Variants in GALR3 observed in about 807,000 individuals in gnomAD.
The protein encoded by GALR3 is galanin receptor type 3.
A neutral mutation model predicts 6.9 loss-of-function variants in GALR3; 5 were observed. The observed-to-expected ratio is 0.72, with a 90% CI of 0.38 to 1.52. GALR3 has a LOEUF of 1.52. GALR3 is among the 40% of genes most tolerant of loss of function. The pLI is 0.03. For missense variants in GALR3, 570 were observed against 545.6 expected (o/e 1.04, Z -0.44); for synonymous variants, 308 against 263.6 (o/e 1.17, Z -1.63).
chr22:37,825,229 T>C lies in GALR3; in HGVS notation c.866T>C (p.Leu289Pro). 1 of 1,465,404 alleles carries C rather than the reference T, an allele frequency of 6.8e-7. No individual in the cohort carries two copies. The highest frequency in any genetic ancestry group is 9.1e-7 in the Non-Finnish European group (1 of 1,102,426). 90.8% of individuals were successfully genotyped at this position (1,465,404 alleles called of 1,614,324 possible). A position where few individuals can be genotyped will look rare whatever the true frequency, so the allele number is the denominator to read the frequency against. Residue 289 changes from leucine (L) to proline (P), a missense_variant, in exon 2 of 2, where the codon CTC becomes CCC. Leu to Pro is a moderately conservative substitution (Grantham distance 98). Transcript: ENST00000249041. ...TACGCCAACTCCTGCCTCAACCCGCTCGTCTACGCGCTCGCCTCGCGCCAC... is the reference window on the plus strand; with the variant it reads ...TACGCCAACTCCTGCCTCAACCCGCCCGTCTACGCGCTCGCCTCGCGCCAC... ...LAYANSCLNP[L>P]VYALASRHFR...
In GALR3 at chr22:37,824,419, T is replaced by A. The variant is rs1454993122; in HGVS notation, c.360-304T>A. On this transcript the variant is annotated intron_variant, in intron 1 of 1. Transcript: ENST00000249041. ...CTGGCCAAGCTGTGCACACATCTGC[T>A]TCCACAGCTTGAAACTTGGGGTCAA... Among the ~76,000 whole-genome samples the A allele has an allele frequency of 2.0e-5, 3 of 152,180 alleles. No homozygotes were observed. In the South Asian group the frequency reaches 6.2e-4, roughly 31 times the overall value.
In GALR3 at chr22:37,824,746, T is replaced by G. The variant is rs1922545198; in HGVS notation, c.383T>G (p.Leu128Arg). 5 of 1,239,300 alleles carry G rather than the reference T, an allele frequency of 4.0e-6. No homozygotes were observed. Among genetic ancestry groups the G allele is most frequent in the Non-Finnish European group, 5.0e-6 (5 of 991,610 alleles). 76.8% of individuals were successfully genotyped at this position (1,239,300 alleles called of 1,614,324 possible). ...AGGTACCTGGCCGTGCGGCACCCGC[T>G]GCGCTCGCGCGCCCTGCGCACGCCG... ...VDRYLAVRHP[L>R]RSRALRTPRN... Residue 128 changes from leucine (L) to arginine (R), a missense_variant, in exon 2 of 2, where the codon CTG becomes CGG. Transcript: ENST00000249041.
Position 37,825,404 on chromosome 22 carries a change from C to A in GALR3, c.1041C>A (p.Gly347=), listed in dbSNP as rs1278076898. 1 of 1,395,258 alleles carries A rather than the reference C, an allele frequency of 7.2e-7. No individual in the cohort carries two copies. Among genetic ancestry groups the A allele is most frequent in the South Asian group, 1.5e-5 (1 of 65,850 alleles). The allele number at this position is 1,395,258 out of a possible 1,614,324, so 86.4% of individuals were successfully genotyped here. The change falls in exon 2 of 2, where the codon GGC becomes GGA. Residue 347 remains glycine, a synonymous_variant. Coordinates refer to ENST00000249041, the MANE Select transcript of GALR3 (RefSeq NM_003614.2). ...CTAGCGGGAGGCTGCTGGCTGGTGG[C>A]GGCCAGGGCCCGGAGCCCAGGGAGG... The part of the protein sequence containing the change: ...ARPSGRLLAG[G]GQGPEPREGP...
rs1922572415 is a variant in GALR3 at position 37,825,194 on chromosome 22, C to T, written c.831C>T (p.His277=). 6.7e-7 allele frequency: 1 copy of T among 1,488,180 alleles called. No individual in the cohort carries two copies. Among genetic ancestry groups the T allele is most frequent in the Non-Finnish European group, 9.0e-7 (1 of 1,114,986 alleles). The allele number at this position is 1,488,180 out of a possible 1,614,324, so 92.2% of individuals were successfully genotyped here. The part of the protein sequence containing the change: ...PATYACRLAS[H]CLAYANSCLN... Reference sequence around the variant, plus strand: ...CCTACGCCTGCCGCCTGGCCTCACACTGCCTGGCCTACGCCAACTCCTGCC... The same window carrying T: ...CCTACGCCTGCCGCCTGGCCTCACATTGCCTGGCCTACGCCAACTCCTGCC... Residue 277 remains histidine (H), a synonymous_variant, in exon 2 of 2, where the codon CAC becomes CAT. Transcript: ENST00000249041.
intron 1 of GALR3, 77 bp from the exon 2 acceptor site, chr22:37,824,646 G>A (rs1242446460): frequency 2.1e-6 from 2 of 934,816 alleles, no homozygotes; most frequent in African/African-American, 3.5e-5. Flanking sequence ...CTGGGCCGCA[G>A]GGCCCGGGCG....
Position 37,825,116 on chromosome 22 carries a change from C to T in GALR3, c.753C>T (p.His251=). 1 of 1,421,002 alleles carries T rather than the reference C, an allele frequency of 7.0e-7. No individual in the cohort carries two copies. The highest frequency in any genetic ancestry group is 9.3e-7 in the Non-Finnish European group (1 of 1,076,530). 88.0% of individuals were successfully genotyped at this position (1,421,002 alleles called of 1,614,324 possible). Residue 251 remains histidine (H), a synonymous_variant, in exon 2 of 2, where the codon CAC becomes CAT. Coordinates refer to ENST00000249041, the MANE Select transcript of GALR3 (RefSeq NM_003614.2). ...TCTACGCGCTCTGCTGGGGTCCGCA[C>T]CACGCGCTCATCCTGTGCTTCTGGT... ...AALYALCWGP[H]HALILCFWYG... is the part of the protein sequence containing the mutation.
At position 37,824,869 on chromosome 22, in the gene GALR3, TG is replaced by T. The variant is rs1269945497; in HGVS notation, c.508del (p.Glu170SerfsTer31). On this transcript the variant is annotated frameshift_variant, in exon 2 of 2. Coordinates refer to ENST00000249041, the MANE Select transcript of GALR3 (RefSeq NM_003614.2). LOFTEE classifies it low-confidence loss of function (END_TRUNC). ...TACGGCACCGTGCGCTACGGCGCGCTGGAGCTCTGCGTGCCCGCCTGGGAGG... is the reference window on the plus strand; with the variant it reads ...TACGGCACCGTGCGCTACGGCGCGCTGAGCTCTGCGTGCCCGCCTGGGAGG... ...SYYGTVRYGALELCVPAWEDA... is the reference protein window; with the variant it reads ...SYYGTVRYGAXELCVPAWEDA... 1.4e-6 allele frequency: 2 copies of T among 1,405,138 alleles called. No individual in the cohort carries two copies. The highest frequency in any genetic ancestry group is 1.5e-5 in the South Asian group (1 of 64,978). The allele number at this position is 1,405,138 out of a possible 1,614,324, so 87.0% of individuals were successfully genotyped here. A position where few individuals can be genotyped will look rare whatever the true frequency, so the allele number is the denominator to read the frequency against.
At position 37,825,238 on chromosome 22, in the gene GALR3, C is replaced by G. The variant is rs750284758; in HGVS notation, c.875C>G (p.Ala292Gly). ...TCCTGCCTCAACCCGCTCGTCTACG[C>G]GCTCGCCTCGCGCCACTTCCGCGCG... ...ANSCLNPLVY[A>G]LASRHFRARF... The change falls in exon 2 of 2, where the codon GCG becomes GGG. Residue 292 changes from alanine (A) to glycine (G), a missense_variant. Ala to Gly is a moderately conservative substitution (Grantham distance 60). Coordinates refer to ENST00000249041, the MANE Select transcript of GALR3 (RefSeq NM_003614.2). 14 of 1,459,482 alleles carry G rather than the reference C, an allele frequency of 9.6e-6. No homozygotes were observed. In the African/African-American group the frequency reaches 1.9e-4, roughly 20 times the overall value. 90.4% of individuals were successfully genotyped at this position (1,459,482 alleles called of 1,614,324 possible).
Position 37,825,179 on chromosome 22 carries a change from C to T in GALR3, c.816C>T (p.Cys272=), listed in dbSNP as rs1348247127. ...RFAFSPATYA[C]RLASHCLAYA... ...CCTTCAGCCCGGCCACCTACGCCTGCCGCCTGGCCTCACACTGCCTGGCCT... is the reference window on the plus strand; with the variant it reads ...CCTTCAGCCCGGCCACCTACGCCTGTCGCCTGGCCTCACACTGCCTGGCCT... The change falls in exon 2 of 2, where the codon TGC becomes TGT. Residue 272 remains cysteine (C), a synonymous_variant. Coordinates refer to ENST00000249041, the MANE Select transcript of GALR3 (RefSeq NM_003614.2). 4 of 1,492,308 alleles carry T rather than the reference C, an allele frequency of 2.7e-6. No individual in the cohort carries two copies. The highest frequency in any genetic ancestry group is 3.9e-5 in the Admixed American group (2 of 51,368). The allele number at this position is 1,492,308 out of a possible 1,614,324, so 92.4% of individuals were successfully genotyped here. A position where few individuals can be genotyped will look rare whatever the true frequency, so the allele number is the denominator to read the frequency against.
rs760252816 is a variant in GALR3, at chr22:37,824,936, C to T, written c.573C>T (p.Ala191=). ...RRALDVATFA[A]GYLLPVAVVS... is the part of the protein sequence containing the mutation. ...CCCTGGACGTGGCCACCTTCGCTGC[C>T]GGCTACCTGCTGCCCGTGGCTGTGG... The change falls in exon 2 of 2, where the codon GCC becomes GCT. Residue 191 remains alanine (A), a synonymous_variant. Transcript: ENST00000249041. The T allele has an allele frequency of 7.5e-7, 1 of 1,326,028 alleles. No homozygotes were observed. The highest frequency in any genetic ancestry group is 3.1e-5 in the East Asian group (1 of 32,424). The allele number at this position is 1,326,028 out of a possible 1,614,324, so 82.1% of individuals were successfully genotyped here. A position where few individuals can be genotyped will look rare whatever the true frequency, so the allele number is the denominator to read the frequency against.
At position 37,825,318 on chromosome 22, in the gene GALR3, G is replaced by C; in HGVS notation, c.955G>C (p.Ala319Pro). 8.0e-7 allele frequency: 1 copy of C among 1,252,902 alleles called. No individual in the cohort carries two copies. The highest frequency in any genetic ancestry group is 1.0e-6 in the Non-Finnish European group (1 of 1,002,130). The allele number at this position is 1,252,902 out of a possible 1,614,324, so 77.6% of individuals were successfully genotyped here. A position where few individuals can be genotyped will look rare whatever the true frequency, so the allele number is the denominator to read the frequency against. Residue 319 changes from alanine (A) to proline (P), a missense_variant, in exon 2 of 2, where the codon GCC becomes CCC. Ala to Pro is a conservative substitution (Grantham distance 27, BLOSUM62 -1). Transcript: ENST00000249041. ...GRRRRHRARR[A>P]LRRVRPASSG... ...CCGACGCCGCCACCGTGCCCGCCGC[G>C]CCTTGCGTCGCGTCCGCCCCGCGTC...
rs763962948 is a variant in GALR3 at position 37,824,824 on chromosome 22, C to T, written c.461C>T (p.Ser154Leu). 1.1e-5 allele frequency: 16 copies of T among 1,404,230 alleles called. No homozygotes were observed. In the Admixed American group the frequency reaches 1.2e-4, roughly 11 times the overall value. 87.0% of individuals were successfully genotyped at this position (1,404,230 alleles called of 1,614,324 possible). Reference sequence around the variant, plus strand: ...GTGTGGCTGCTGGCGGCGCTCTTCTCGGCGCCCTACCTCAGCTACTACGGC... The same window carrying T: ...GTGTGGCTGCTGGCGGCGCTCTTCTTGGCGCCCTACCTCAGCTACTACGGC... Reference protein sequence around the residue: ...GLVWLLAALFSAPYLSYYGTV... With the variant: ...GLVWLLAALFLAPYLSYYGTV... Residue 154 changes from serine (S) to leucine (L), a missense_variant, in exon 2 of 2, where the codon TCG becomes TTG. Physicochemically the swap from Ser to Leu is moderately radical, Grantham distance 145. Transcript: ENST00000249041.
At position 37,825,149 on chromosome 22, in the gene GALR3, C is replaced by T. The variant is rs761040811; in HGVS notation, c.786C>T (p.Arg262=). 213 of 1,477,690 alleles carry T rather than the reference C, an allele frequency of 1.4e-4. No homozygotes were observed. Among genetic ancestry groups the T allele is most frequent in the Non-Finnish European group, 1.8e-4 (200 of 1,109,042 alleles). The allele number at this position is 1,477,690 out of a possible 1,614,324, so 91.5% of individuals were successfully genotyped here. ...HALILCFWYG[R]FAFSPATYAC... ...TCATCCTGTGCTTCTGGTACGGCCG[C>T]TTCGCCTTCAGCCCGGCCACCTACG... The change falls in exon 2 of 2, where the codon CGC becomes CGT. Residue 262 remains arginine (R), a synonymous_variant. Transcript: ENST00000249041.
At chr22:37,824,125 G>T (rs1350322881) in intron 1 of GALR3, among the ~76,000 whole-genome samples, 6 of 146,216 alleles carry the variant, frequency 4.1e-5, no homozygotes, top group African/African-American at 1.0e-4. Flanking sequence ...TTGTTTTGTT[G>T]TTTTTTTTTT....
chr22:37,824,566 A>G (rs931306795), intron 1 of GALR3, among the ~76,000 whole-genome samples, 157 bp from the exon 2 acceptor site: 2 of 151,984 alleles, frequency 1.3e-5, no homozygotes, highest in Admixed American at 6.5e-5. Context: ...GCTAGGTGCA[A>G]GGGCCTAAGC....
Position 37,823,659 on chromosome 22 carries a change from C to T in GALR3, c.253C>T (p.Leu85=). 1 of 1,613,950 alleles carries T rather than the reference C, an allele frequency of 6.2e-7. No homozygotes were observed. Among genetic ancestry groups the T allele is most frequent in the Non-Finnish European group, 8.5e-7 (1 of 1,179,868 alleles). ...CVPFQATIYT[L]DAWLFGALVC... is the part of the protein sequence containing the mutation. ...GCCCTTCCAGGCCACCATCTACACG[C>T]TGGATGCCTGGCTCTTTGGGGCCCT... is the stretch of plus-strand genomic sequence containing the variant. The change falls in exon 1 of 2, where the codon CTG becomes TTG. Residue 85 remains leucine, a synonymous_variant. Coordinates refer to ENST00000249041, the MANE Select transcript of GALR3 (RefSeq NM_003614.2).
At position 37,825,056 on chromosome 22, in the gene GALR3, C is replaced by G; in HGVS notation, c.693C>G (p.Gly231=). ...CCGAGGCGCGGCGGAGGGCGACGGG[C>G]CGCGCGGGGCGCGCCATGCTGGCGG... ...AAAEARRRAT[G]RAGRAMLAVA... Residue 231 remains glycine (G), a synonymous_variant, in exon 2 of 2, where the codon GGC becomes GGG. Transcript: ENST00000249041. The G allele has an allele frequency of 8.8e-7, 1 of 1,135,254 alleles. No individual in the cohort carries two copies. The highest frequency in any genetic ancestry group is 1.1e-6 in the Non-Finnish European group (1 of 925,870). The allele number at this position is 1,135,254 out of a possible 1,614,324, so 70.3% of individuals were successfully genotyped here.
rs1468049380 is a variant in GALR3, at chr22:37,824,844, T to A, written c.481T>A (p.Tyr161Asn). ...CTTCTCGGCGCCCTACCTCAGCTAC[T>A]ACGGCACCGTGCGCTACGGCGCGCT... ...ALFSAPYLSY[Y>N]GTVRYGALEL... is the part of the protein sequence containing the mutation. Residue 161 changes from tyrosine (Y) to asparagine (N), a missense_variant, in exon 2 of 2, where the codon TAC (tyrosine) becomes AAC (asparagine). By Grantham distance (143) the Tyr-to-Asn change is moderately radical. Coordinates refer to ENST00000249041, the MANE Select transcript of GALR3 (RefSeq NM_003614.2). 7.0e-7 allele frequency: 1 copy of A among 1,419,096 alleles called. No individual in the cohort carries two copies. 87.9% of individuals were successfully genotyped at this position (1,419,096 alleles called of 1,614,324 possible).
In GALR3 at chr22:37,823,421, G is replaced by A. The variant is rs777167773; in HGVS notation, c.15G>A (p.Gln5=). The part of the protein sequence containing the change: MADA[Q]NISLDSPGSV... Reference sequence around the variant, plus strand: ...CTGATGGGGAGATGGCTGATGCCCAGAACATTTCACTGGACAGCCCAGGGA... The same window carrying A: ...CTGATGGGGAGATGGCTGATGCCCAAAACATTTCACTGGACAGCCCAGGGA... The change falls in exon 1 of 2, where the codon CAG becomes CAA. Residue 5 remains glutamine, a synonymous_variant. Coordinates refer to ENST00000249041, the MANE Select transcript of GALR3 (RefSeq NM_003614.2). 6.9e-6 allele frequency: 11 copies of A among 1,588,598 alleles called. No homozygotes were observed. The East Asian group carries it at 2.0e-4, about 29-fold the overall frequency.
Sources: gnomAD v4.1 joint callset for allele counts (sites outside exome capture counted in the v4.1 genomes callset) on GRCh38, gnomAD v4.1.1 for gene constraint, MANE v1.5 for transcripts, NCBI Gene and HGNC (gene_info 2026-07-23, HGNC 2026-07-21) for gene names.